PDE2A: variants seen among roughly 807,000 people sequenced by gnomAD.
PDE2A encodes cGMP-dependent 3',5'-cyclic phosphodiesterase.
PDE2A carries 53 observed loss-of-function variants against 133.6 expected under a neutral mutation model. That is an observed-to-expected ratio of 0.40 (90% CI 0.32 to 0.50). PDE2A has a LOEUF of 0.50. Ranked by LOEUF, PDE2A falls within the 20% of genes least tolerant of loss-of-function variation. The pLI is 0.73. For missense variants in PDE2A, 796 were observed against 1,232.4 expected (o/e 0.65, Z 5.30); for synonymous variants, 491 against 490.2 (o/e 1.00, Z -0.02).
At chr11:72,669,253 A>C (rs981928921) in intron 1 of PDE2A, among the ~76,000 whole-genome samples, 3 of 152,102 alleles carry the variant, frequency 2.0e-5, no homozygotes, top group Non-Finnish European at 4.4e-5. Context: ...TCTGCGCCCA[A>C]GGCAACCATC....
chr11:72,629,983 CCA>C (rs1353511596), intron 2 of PDE2A, among the ~76,000 whole-genome samples: 1 of 152,038 alleles, frequency 6.6e-6, no homozygotes, highest in Non-Finnish European at 1.5e-5. Flanking sequence ...GGCTGTGGGT[CCA>C]GTTCTCTCTC....
At chr11:72,670,056 C>A (rs1855350519) in intron 1 of PDE2A, among the ~76,000 whole-genome samples, 1 of 152,310 alleles carries the variant, frequency 6.6e-6, no homozygotes, top group Middle Eastern at 3.4e-3. Flanking sequence ...CCCAGCCTGG[C>A]ACTTCATGCC....
rs1026733890 is a variant in PDE2A, at chr11:72,631,177, G to A, written c.144+11077C>T. ...GAAGGTCAGGGGCTGAGGCCGGCCA[G>A]GCCTTCTCCCCTTCTCCCCAGACTG... On this transcript the variant is annotated intron_variant, in intron 2 of 30. Transcript: ENST00000334456. 7.4e-6 allele frequency: 11 copies of A among 1,493,622 alleles called. No homozygotes were observed. The African/African-American group carries it at 1.3e-4, about 17-fold the overall frequency. 92.5% of individuals were successfully genotyped at this position (1,493,622 alleles called of 1,614,324 possible).
At chr11:72,598,967 C>G in intron 4 of PDE2A, 1 of 985,384 alleles carries the variant, frequency 1.0e-6, no homozygotes, top group Non-Finnish European at 1.2e-6. Flanking sequence ...CGTAGGGTGG[C>G]AGGAGGGCAA....
intron 2 of PDE2A, among the ~76,000 whole-genome samples, chr11:72,623,490 A>T (rs1453076552): frequency 6.6e-6 from 1 of 151,962 alleles, no homozygotes; most frequent in Non-Finnish European, 1.5e-5. Flanking sequence ...AGCCAGGTCC[A>T]CGACCTTAAC....
Position 72,590,251 on chromosome 11 carries a change from G to C in PDE2A, c.704-7C>G. On this transcript the variant is annotated splice_region_variant and splice_polypyrimidine_tract_variant and intron_variant, in intron 8 of 30. Transcript: ENST00000334456. The surrounding 1 kb of genome is among the most constrained non-coding windows in gnomAD (Gnocchi z 4.8). Reference sequence around the variant, plus strand: ...TCCAGGTCGTAGAGTTCCCCTGCAAGGGCCAGGCGCCGGTCAGAGAGAGGG... The same window carrying C: ...TCCAGGTCGTAGAGTTCCCCTGCAACGGCCAGGCGCCGGTCAGAGAGAGGG... The C allele has an allele frequency of 1.9e-6, 3 of 1,551,428 alleles. No individual in the cohort carries two copies. The highest frequency in any genetic ancestry group is 2.6e-6 in the Non-Finnish European group (3 of 1,146,844).
intron 2 of PDE2A, among the ~76,000 whole-genome samples, chr11:72,628,976 G>A (rs924354175): frequency 1.3e-5 from 2 of 152,236 alleles, no homozygotes; most frequent in African/African-American, 4.8e-5. Flanking sequence ...GGGCACTCGG[G>A]TGGGGTGCTG....
chr11:72,610,571 C>T (rs1275702786), intron 2 of PDE2A, among the ~76,000 whole-genome samples: 1 of 152,144 alleles, frequency 6.6e-6, no homozygotes, highest in African/African-American at 2.4e-5. Context: ...TACTCAGCAT[C>T]GCTTTCCCCA....
intron 2 of PDE2A, among the ~76,000 whole-genome samples, chr11:72,619,665 G>A (rs113481893): frequency 5.4e-4 from 82 of 152,302 alleles, no homozygotes; most frequent in Middle Eastern, 6.8e-3. Flanking sequence ...CTGGGGTGCT[G>A]TGAATGCGCT....
chr11:72,674,061 C>A, intron 1 of PDE2A, 76 bp downstream of exon 1: 1 of 1,470,816 alleles, frequency 6.8e-7, no homozygotes, highest in Non-Finnish European at 9.4e-7. Context: ...ACCCCAGCTC[C>A]TTGGAGGGAC....
intron 1 of PDE2A, chr11:72,668,204 C>T: frequency 1.4e-6 from 1 of 714,620 alleles, no homozygotes; most frequent in Non-Finnish European, 2.6e-6. Context: ...CACATCTTGC[C>T]TGTCTGCCAT....
At position 72,635,331 on chromosome 11, in the gene PDE2A, C is replaced by A. The variant is rs113978381; in HGVS notation, c.144+6923G>T. 4.6e-3 allele frequency among the ~76,000 whole-genome samples: 703 copies of A among 152,320 alleles called. 3 individuals are homozygous for A. Among genetic ancestry groups the A allele is most frequent in the African/African-American group, 0.016 (666 of 41,562 alleles). ...CCCACCATTCTGAGCTATCTGTCTC[C>A]ATTGCTTCTTGTTATGTTTTTAATA... is the stretch of plus-strand genomic sequence containing the variant. On this transcript the variant is annotated intron_variant, in intron 2 of 30. Transcript: ENST00000334456.
chr11:72,636,171 G>C, intron 2 of PDE2A: 2 of 1,118,742 alleles, frequency 1.8e-6, no homozygotes, highest in Non-Finnish European at 2.3e-6. Flanking sequence ...CTACTCTCAA[G>C]GGAGCTGAAC....
chr11:72,642,740 C>T (rs907854), intron 1 of PDE2A, among the ~76,000 whole-genome samples: 60,194 of 151,320 alleles, frequency 0.4, 13,838 homozygotes, highest in Middle Eastern at 0.6. Context: ...TCTGATCGCA[C>T]CCTGTTTCCC....
intron 2 of PDE2A, among the ~76,000 whole-genome samples, chr11:72,626,635 C>T (rs1858088767): frequency 6.6e-6 from 1 of 152,210 alleles, no homozygotes; most frequent in Non-Finnish European, 1.5e-5. Flanking sequence ...TCCCCTCCCA[C>T]TCCTGCCCAC....
Position 72,590,868 on chromosome 11 carries a change from C to A in PDE2A, c.550-288G>T. On this transcript the variant is annotated intron_variant, in intron 7 of 30. Transcript: ENST00000334456. The surrounding 1 kb of genome is among the most constrained non-coding windows in gnomAD (Gnocchi z 4.8). ...AGATGTCAGATTTCTGTCTCCAGCC[C>A]CCTCAGGAAGTCGTAAGTCCTTGTT... 1 of 393,840 alleles carries A rather than the reference C, an allele frequency of 2.5e-6. No individual in the cohort carries two copies. 24.4% of individuals were successfully genotyped at this position (393,840 alleles called of 1,614,324 possible). A position where few individuals can be genotyped will look rare whatever the true frequency, so the allele number is the denominator to read the frequency against.
chr11:72,633,824 C>A (rs182753473), intron 2 of PDE2A, among the ~76,000 whole-genome samples: 60 of 152,214 alleles, frequency 3.9e-4, no homozygotes, highest in Non-Finnish European at 2.9e-5. Flanking sequence ...AGCCCCCTAC[C>A]GCATTTCTGT....
At chr11:72,606,706 G>A (rs547855985) in intron 3 of PDE2A, among the ~76,000 whole-genome samples, 1 of 152,210 alleles carries the variant, frequency 6.6e-6, no homozygotes, top group Non-Finnish European at 1.5e-5. Context: ...CCAGCAGCCT[G>A]GGAGGGGCCT....
In PDE2A at chr11:72,616,103, G is replaced by A. The variant is rs569410198; in HGVS notation, c.145-7352C>T. Among the ~76,000 whole-genome samples, 4 of 152,314 alleles carry A rather than the reference G, an allele frequency of 2.6e-5. No homozygotes were observed. In the East Asian group the frequency reaches 7.7e-4, roughly 29 times the overall value. ...GAGGCAGGCATGGTGGCTCAAGCAGGAGAGGAGGAGGACGCTGAGTGTCCC... is the reference window on the plus strand; with the variant it reads ...GAGGCAGGCATGGTGGCTCAAGCAGAAGAGGAGGAGGACGCTGAGTGTCCC... On this transcript the variant is annotated intron_variant, in intron 2 of 30. Transcript: ENST00000334456.
Sources: gnomAD v4.1 joint callset for allele counts (sites outside exome capture counted in the v4.1 genomes callset) on GRCh38, gnomAD v4.1.1 for gene constraint, Gnocchi (gnomAD v3.1) non-coding constraint, MANE v1.5 for transcripts, NCBI Gene and HGNC (gene_info 2026-07-23, HGNC 2026-07-21) for gene names.